The following SPATA13 variants were observed in gnomAD, a reference collection of about 807,000 sequenced individuals.
SPATA13 encodes spermatogenesis associated 13.
In SPATA13, 50 loss-of-function variants were observed where a neutral mutation model predicts 104.0. The ratio of observed to expected loss-of-function variants is 0.48; its 90% confidence interval spans 0.38 to 0.61. The LOEUF (loss-of-function observed/expected upper bound fraction) is 0.61, where lower values mean the gene tolerates loss of function less well. SPATA13 is among the 20% of genes least tolerant of loss of function. SPATA13 has a pLI of 0.00. For missense variants in SPATA13, 1,524 were observed against 1,690.6 expected (o/e 0.90, Z 1.73); for synonymous variants, 606 against 667.5 (o/e 0.91, Z 1.42).
chr13:24,191,707 T>A (rs1869770247), intron 1 of SPATA13, among the ~76,000 whole-genome samples: 1 of 151,974 alleles, frequency 6.6e-6, no homozygotes, highest in South Asian at 2.1e-4. Context: ...AGACAGGGTT[T>A]CACTGTGTTA....
intron 3 of SPATA13, among the ~76,000 whole-genome samples, chr13:24,089,799 T>G (rs537792495): frequency 3.0e-4 from 45 of 152,316 alleles, no homozygotes; most frequent in African/African-American, 9.1e-4. Flanking sequence ...AGAAATGTGT[T>G]TCTTGTGGTT....
At position 24,282,402 on chromosome 13, in the gene SPATA13, C is replaced by T. The variant is rs572874998; in HGVS notation, c.2165-1733C>T. 7.2e-5 allele frequency among the ~76,000 whole-genome samples: 11 copies of T among 152,320 alleles called. No individual in the cohort carries two copies. The South Asian group carries it at 2.1e-3, about 29-fold the overall frequency. ...AAGCCCATGGAGCACCATCCCAGGG[C>T]GACCTTCAGCCAGCCCTCTGTCCTT... On this transcript the variant is annotated intron_variant, in intron 4 of 12. Transcript: ENST00000382108.
intron 12 of SPATA13, among the ~76,000 whole-genome samples, chr13:24,301,288 C>T (rs1360807438): frequency 6.6e-6 from 1 of 152,146 alleles, no homozygotes; most frequent in African/African-American, 2.4e-5. Flanking sequence ...CAAGGACCAA[C>T]GAATCCCAGG....
intron 3 of SPATA13, among the ~76,000 whole-genome samples, chr13:24,067,766 A>T (rs992244291): frequency 6.6e-6 from 1 of 152,132 alleles, no homozygotes; most frequent in Admixed American, 6.6e-5. Flanking sequence ...GTGCAGTGAC[A>T]TGATCTCGGG....
chr13:24,225,907 G>A (rs1319863000), intron 2 of SPATA13, among the ~76,000 whole-genome samples: 2 of 152,188 alleles, frequency 1.3e-5, no homozygotes, highest in Non-Finnish European at 2.9e-5. Flanking sequence ...CATTGGGCAG[G>A]TTCCACATCC....
At chr13:24,171,336 G>T (rs952094447) in intron 1 of SPATA13, among the ~76,000 whole-genome samples, 2 of 152,134 alleles carry the variant, frequency 1.3e-5, no homozygotes, top group Non-Finnish European at 2.9e-5. Flanking sequence ...AGAACATGCG[G>T]GTCAGATCTG....
chr13:24,262,779 G>A (rs1182944843), intron 4 of SPATA13, among the ~76,000 whole-genome samples: 2 of 152,186 alleles, frequency 1.3e-5, no homozygotes. Context: ...GCAGGAAACT[G>A]TTTACATCCA....
chr13:24,210,785 T>A (rs949491362), intron 1 of SPATA13, among the ~76,000 whole-genome samples: 2 of 145,230 alleles, frequency 1.4e-5, no homozygotes, highest in African/African-American at 5.0e-5. Flanking sequence ...TTTTTTGTAT[T>A]TCATTGGAAT....
At chr13:24,121,933 G>C (rs1178819578) in intron 3 of SPATA13, 4 of 664,620 alleles carry the variant, frequency 6.0e-6, no homozygotes, top group African/African-American at 1.8e-5. Context: ...CCCATCTCCT[G>C]GGGTTGTTGT....
At chr13:24,215,740 A>G (rs1320281492) in intron 1 of SPATA13, among the ~76,000 whole-genome samples, 1 of 152,070 alleles carries the variant, frequency 6.6e-6, no homozygotes, top group African/African-American at 2.4e-5. Flanking sequence ...TAGCCTGTGA[A>G]CTCAGTGAAC....
chr13:24,080,188 A>G (rs1042910575), intron 3 of SPATA13, among the ~76,000 whole-genome samples: 2 of 152,212 alleles, frequency 1.3e-5, no homozygotes, highest in African/African-American at 4.8e-5. Context: ...TCTTTGCCAT[A>G]AAAGGATTCT....
intron 1 of SPATA13, among the ~76,000 whole-genome samples, chr13:24,183,890 C>T (rs748216307): frequency 6.6e-6 from 1 of 152,074 alleles, no homozygotes; most frequent in Admixed American, 6.6e-5. Flanking sequence ...TAATCACGGG[C>T]GCTTCCTCAG....
At chr13:23,987,853 A>G (rs1003787277) in intron 2 of SPATA13, among the ~76,000 whole-genome samples, 3 of 152,086 alleles carry the variant, frequency 2.0e-5, no homozygotes, top group Non-Finnish European at 4.4e-5. Flanking sequence ...AGCGGATTCT[A>G]TAGTATTTGC....
At chr13:24,228,244 G>A (rs1436709546) in intron 2 of SPATA13, among the ~76,000 whole-genome samples, 1 of 151,254 alleles carries the variant, frequency 6.6e-6, no homozygotes, top group Non-Finnish European at 1.5e-5. Context: ...CTCCTGAGTA[G>A]CTGGGACTAC....
intron 1 of SPATA13, among the ~76,000 whole-genome samples, chr13:24,191,579 G>A (rs143449576): frequency 0.028 from 3,660 of 129,948 alleles, 167 homozygotes; most frequent in African/African-American, 0.1. Context: ...GCGTGATCTT[G>A]GCTCACTGCA....
chr13:24,139,263 C>T (rs73448974), intron 3 of SPATA13, among the ~76,000 whole-genome samples: 4,500 of 152,266 alleles, frequency 0.03, 184 homozygotes, highest in African/African-American at 0.091. Context: ...TCGGGTCCAC[C>T]CTACTCCAGT....
chr13:24,213,485 T>C (rs896807932), intron 1 of SPATA13, among the ~76,000 whole-genome samples: 2 of 151,992 alleles, frequency 1.3e-5, no homozygotes, highest in African/African-American at 4.8e-5. Context: ...CAGGCTGCTC[T>C]CAAACTCCCG....
intron 3 of SPATA13, among the ~76,000 whole-genome samples, chr13:24,154,856 A>AGTTTT (rs1023035059): frequency 1.3e-5 from 2 of 152,106 alleles, no homozygotes; most frequent in Non-Finnish European, 2.9e-5. Flanking sequence ...CTGATAGACC[A>AGTTTT]GTTTTGTTTG....
chr13:24,268,087 T>C (rs943303322), intron 4 of SPATA13, among the ~76,000 whole-genome samples: 1 of 152,222 alleles, frequency 6.6e-6, no homozygotes, highest in Non-Finnish European at 1.5e-5. Flanking sequence ...TGTAGTAATA[T>C]GTGTTGTCAT....
Sources: gnomAD v4.1 joint callset for allele counts (sites outside exome capture counted in the v4.1 genomes callset) on GRCh38, gnomAD v4.1.1 for gene constraint, MANE v1.5 for transcripts, NCBI Gene and HGNC (gene_info 2026-07-23, HGNC 2026-07-21) for gene names.